The following VPS37C variants were observed in gnomAD, a reference collection of about 807,000 sequenced individuals.
VPS37C encodes VPS37C subunit of ESCRT-I.
A neutral mutation model predicts 16.1 loss-of-function variants in VPS37C; 9 were observed. That is an observed-to-expected ratio of 0.56 (90% confidence interval 0.34 to 0.97). The LOEUF is 0.97. VPS37C is among the 50% of genes least tolerant of loss of function. The probability of loss-of-function intolerance (pLI) is 0.02; values close to 1 mark genes in which losing one functional copy is unlikely to be tolerated. For synonymous variants in VPS37C, 207 were observed against 206.4 expected (o/e 1.00, Z -0.02); for missense variants, 479 against 472.7 (o/e 1.01, Z -0.12).
chr11:61,133,163 G>T, intron 4 of VPS37C, 92 bp downstream of exon 4: 2 of 1,389,216 alleles, frequency 1.4e-6, no homozygotes, highest in Non-Finnish European at 2.0e-6. Flanking sequence ...CTTGTTCCAT[G>T]CTTTGCAGAC....
At chr11:61,150,556 TG>T (rs200360895) in intron 1 of VPS37C, among the ~76,000 whole-genome samples, 2 of 125,650 alleles carry the variant, frequency 1.6e-5, no homozygotes, top group Non-Finnish European at 1.6e-5. Flanking sequence ...AAAGGAGTTT[TG>T]TTTTTTTTTT....
intron 1 of VPS37C, among the ~76,000 whole-genome samples, chr11:61,151,625 G>C (rs1056746199): frequency 1.1e-4 from 17 of 152,156 alleles, no homozygotes; most frequent in African/African-American, 3.6e-4. Flanking sequence ...ACAGTCGCTC[G>C]TGATTTCTAT....
Position 61,131,766 on chromosome 11 carries a change from G to A in VPS37C, c.*54C>T, listed in dbSNP as rs1861263852. 6 of 1,239,662 alleles carry A rather than the reference G, an allele frequency of 4.8e-6. No individual in the cohort carries two copies. Among genetic ancestry groups the A allele is most frequent in the Non-Finnish European group, 5.0e-6 (5 of 990,620 alleles). The allele number at this position is 1,239,662 out of a possible 1,614,324, so 76.8% of individuals were successfully genotyped here. ...ACCCTCGAATCTCGGCGATGGCTGGGCCAAAGGTTGAGCGTGGGTGGGACT... is the reference window on the plus strand; with the variant it reads ...ACCCTCGAATCTCGGCGATGGCTGGACCAAAGGTTGAGCGTGGGTGGGACT... On this transcript the variant is annotated 3_prime_UTR_variant, in exon 5 of 5. Transcript: ENST00000301765.
At chr11:61,147,458 G>C (rs1182174633) in intron 1 of VPS37C, among the ~76,000 whole-genome samples, 1 of 152,128 alleles carries the variant, frequency 6.6e-6, no homozygotes, top group African/African-American at 2.4e-5. Flanking sequence ...AGATAGCACA[G>C]GGCCAGTGGA....
chr11:61,152,383 A>G (rs1853310665), intron 1 of VPS37C, among the ~76,000 whole-genome samples: 1 of 152,176 alleles, frequency 6.6e-6, no homozygotes, highest in Non-Finnish European at 1.5e-5. Context: ...GCAGGAATCC[A>G]CGAAGGCCAT....
intron 2 of VPS37C, chr11:61,138,466 A>C: frequency 2.3e-6 from 1 of 427,384 alleles, no homozygotes; most frequent in South Asian, 3.1e-5. Context: ...AGCTGCCTCC[A>C]GATTTGGGCT....
At chr11:61,141,034 C>T (rs1326929854) in intron 1 of VPS37C, among the ~76,000 whole-genome samples, 1 of 152,058 alleles carries the variant, frequency 6.6e-6, no homozygotes, top group African/African-American at 2.4e-5. Flanking sequence ...AATATAGCAT[C>T]TGATTGTAAA....
chr11:61,138,457 G>T (rs1861419381), intron 2 of VPS37C: 3 of 410,626 alleles, frequency 7.3e-6, no homozygotes. Flanking sequence ...GCTTTGAGGA[G>T]CTGCCTCCAG....
Position 61,131,969 on chromosome 11 carries a change from C to T in VPS37C, c.919G>A (p.Gly307Arg), listed in dbSNP as rs778690729. The change falls in exon 5 of 5, where the codon GGA becomes AGA. Residue 307 changes from glycine (G) to arginine (R), a missense_variant. Physicochemically the swap from Gly to Arg is moderately radical, Grantham distance 125 (BLOSUM62 -2). Transcript: ENST00000301765. ...PQQSPYPATGGKPPYPIQPQL... is the reference protein window; with the variant it reads ...PQQSPYPATGRKPPYPIQPQL... ...GGCTGTATTGGGTAGGGAGGTTTTC[C>T]TCCTGTTGCGGGGTATGGGGACTGT... is the stretch of plus-strand genomic sequence containing the variant. 7.6e-7 allele frequency: 1 copy of T among 1,312,542 alleles called. No homozygotes were observed. The highest frequency in any genetic ancestry group is 9.8e-7 in the Non-Finnish European group (1 of 1,024,200). The allele number at this position is 1,312,542 out of a possible 1,614,324, so 81.3% of individuals were successfully genotyped here.
chr11:61,136,450 A>G (rs1262273926), intron 2 of VPS37C, among the ~76,000 whole-genome samples: 1 of 152,154 alleles, frequency 6.6e-6, no homozygotes, highest in East Asian at 1.9e-4. Flanking sequence ...CTGGGATTAC[A>G]GGCATGAGCT....
intron 2 of VPS37C, among the ~76,000 whole-genome samples, chr11:61,136,994 G>GT (rs895793193): frequency 2.0e-5 from 3 of 152,116 alleles, no homozygotes; most frequent in African/African-American, 7.2e-5. Context: ...GGGTGACAAA[G>GT]TAAGACCCTG....
intron 1 of VPS37C, among the ~76,000 whole-genome samples, chr11:61,150,123 C>T: frequency 6.6e-6 from 1 of 152,186 alleles, no homozygotes; most frequent in Non-Finnish European, 1.5e-5. Context: ...TCTCACTCTT[C>T]AACCAGACTT....
intron 1 of VPS37C, among the ~76,000 whole-genome samples, chr11:61,140,518 T>C (rs781628407): frequency 6.6e-6 from 1 of 152,152 alleles, no homozygotes; most frequent in Non-Finnish European, 1.5e-5. Flanking sequence ...TAAGCAGGGA[T>C]TGCCAAACTT....
At chr11:61,147,691 C>A (rs1259476029) in intron 1 of VPS37C, among the ~76,000 whole-genome samples, 13 of 151,532 alleles carry the variant, frequency 8.6e-5, no homozygotes, top group Non-Finnish European at 1.5e-4. Context: ...CCAAGGATAA[C>A]CTTCAACAAA....
At chr11:61,135,999 A>G (rs2134630900) in intron 2 of VPS37C, among the ~76,000 whole-genome samples, 2 of 152,336 alleles carry the variant, frequency 1.3e-5, no homozygotes, top group South Asian at 4.1e-4. Context: ...AGGTAGATAG[A>G]AGAAGTAAGT....
chr11:61,153,651 A>G (rs1445345498), intron 1 of VPS37C, among the ~76,000 whole-genome samples: 3 of 152,232 alleles, frequency 2.0e-5, no homozygotes, highest in Admixed American at 2.0e-4. Context: ...GACCCCTGAC[A>G]GTGGGAAACA....
Position 61,132,456 on chromosome 11 carries a change from G to A in VPS37C, c.432C>T (p.His144=). 1 of 1,613,190 alleles carries A rather than the reference G, an allele frequency of 6.2e-7. No homozygotes were observed. Among genetic ancestry groups the A allele is most frequent in the Non-Finnish European group, 8.5e-7 (1 of 1,179,728 alleles). The change falls in exon 5 of 5, where the codon CAC becomes CAT. Residue 144 remains histidine (H), a synonymous_variant. Coordinates refer to ENST00000301765, the MANE Select transcript of VPS37C (RefSeq NM_017966.5). The part of the protein sequence containing the change: ...ENFSSMRMLS[H]LRRVRVEKLQ... The stretch of plus-strand genomic sequence containing the variant: ...GCTTTTCCACGCGAACCCGGCGCAG[G>A]TGGGACAGCATCCTCATGGAGGAAA...
At chr11:61,143,302 A>G (rs1420788260) in intron 1 of VPS37C, 3 of 148,090 alleles carry the variant, frequency 2.0e-5, no homozygotes, top group African/African-American at 7.4e-5. Flanking sequence ...TGCCTCATGG[A>G]GTCCCTGAGT....
At chr11:61,154,742 C>A (rs1335336784) in intron 1 of VPS37C, among the ~76,000 whole-genome samples, 1 of 152,096 alleles carries the variant, frequency 6.6e-6, no homozygotes, top group African/African-American at 2.4e-5. Flanking sequence ...TGAACCCAAG[C>A]ACAAAACACA....
Sources: gnomAD v4.1 joint callset for allele counts (sites outside exome capture counted in the v4.1 genomes callset) on GRCh38, gnomAD v4.1.1 for gene constraint, MANE v1.5 for transcripts, NCBI Gene and HGNC (gene_info 2026-07-23, HGNC 2026-07-21) for gene names.